The following SEC14L1 variants were observed in gnomAD, a reference collection of about 807,000 sequenced individuals.
SEC14L1 encodes the protein SEC14 like lipid binding 1.
A neutral mutation model predicts 85.3 loss-of-function variants in SEC14L1; 48 were observed. The ratio of observed to expected loss-of-function variants is 0.56; its 90% confidence interval spans 0.45 to 0.72. The LOEUF (loss-of-function observed/expected upper bound fraction) is 0.72. Ranked by LOEUF, SEC14L1 falls within the 30% of genes least tolerant of loss-of-function variation. The pLI is 0.00. For synonymous variants in SEC14L1, 391 were observed against 355.5 expected (o/e 1.10, Z -1.12); for missense variants, 682 against 921.4 (o/e 0.74, Z 3.36).
rs764420864 is a variant in SEC14L1, at chr17:77,193,415, C to G, written c.346-6C>G. 1 of 1,593,548 alleles carries G rather than the reference C, an allele frequency of 6.3e-7. No individual in the cohort carries two copies. The highest frequency in any genetic ancestry group is 8.6e-7 in the Non-Finnish European group (1 of 1,165,786). ...GTCAGTGAGAGTGCTTTCTCTTTAT[C>G]TGCAGGTTCACCCTGAAAATGAAGA... is the stretch of plus-strand genomic sequence containing the variant. On this transcript the variant is annotated splice_region_variant and splice_polypyrimidine_tract_variant and intron_variant, in intron 5 of 16. Coordinates refer to ENST00000436233, the MANE Select transcript of SEC14L1 (RefSeq NM_001143998.2).
At chr17:77,142,608 C>T (rs1233060839) in intron 1 of SEC14L1, 38 bp from the exon 2 acceptor site, 1 of 142,780 alleles carries the variant, frequency 7.0e-6, no homozygotes, top group South Asian at 2.2e-4. Flanking sequence ...AAATAAAATA[C>T]ATCTTGGTAA....
At chr17:77,167,146 CTTTTTT>C (rs72037954) in intron 3 of SEC14L1, among the ~76,000 whole-genome samples, 3,056 of 134,562 alleles carry the variant, frequency 0.023, 47 homozygotes, top group Non-Finnish European at 0.031. Flanking sequence ...TTTCTTTTTC[CTTTTTT>C]TTTTTTTTTT....
rs560100916 is a variant in SEC14L1, at chr17:77,148,140, A to G, written c.63+4481A>G. On this transcript the variant is annotated intron_variant, in intron 3 of 16. Transcript: ENST00000436233. ...CAAGTGCATCTCCCCCTCCCCCTGC[A>G]TGTTAATGGTTCCTTAATAAAGGCT... 7.2e-5 allele frequency among the ~76,000 whole-genome samples: 11 copies of G among 152,292 alleles called. No individual in the cohort carries two copies. The South Asian group carries it at 1.2e-3, about 17-fold the overall frequency.
Position 77,214,429 on chromosome 17 carries a change from CG to C in SEC14L1, c.*408del, listed in dbSNP as rs1168547582. ...AGAGATGGCCCCTCCTCACCTGGGA[CG>C]GAAGCTGCCAGCTCGCTTCCCCCAA... On this transcript the variant is annotated 3_prime_UTR_variant, in exon 17 of 17. Transcript: ENST00000436233. The C allele has an allele frequency of 2.0e-6, 2 of 1,000,746 alleles. No individual in the cohort carries two copies. Among genetic ancestry groups the C allele is most frequent in the Non-Finnish European group, 2.4e-6 (2 of 838,652 alleles). 62.0% of individuals were successfully genotyped at this position (1,000,746 alleles called of 1,614,324 possible).
chr17:77,211,723 C>T, intron 14 of SEC14L1: 10 of 578,716 alleles, frequency 1.7e-5, no homozygotes, highest in Non-Finnish European at 2.2e-5. Context: ...CCTCTAGGTG[C>T]AGGTCACAAA....
chr17:77,160,504 T>A lies in SEC14L1; in HGVS notation c.63+16845T>A, dbSNP rs927659525. On this transcript the variant is annotated intron_variant, in intron 3 of 16. Coordinates refer to ENST00000436233, the MANE Select transcript of SEC14L1 (RefSeq NM_001143998.2). ...GCATCATGTGATTGCTTTAAACACA[T>A]GAAAAGCAAAGAGAAATAAAACCTT... 2.0e-5 allele frequency among the ~76,000 whole-genome samples: 3 copies of A among 152,240 alleles called. No individual in the cohort carries two copies. The South Asian group carries it at 6.2e-4, about 31-fold the overall frequency.
intron 3 of SEC14L1, among the ~76,000 whole-genome samples, chr17:77,189,555 C>A (rs540027425): frequency 6.6e-6 from 1 of 152,244 alleles, no homozygotes; most frequent in Non-Finnish European, 1.5e-5. Flanking sequence ...AGGCACTAGT[C>A]CTTTGTCAGA....
At chr17:77,187,658 G>A (rs1272782171) in intron 3 of SEC14L1, among the ~76,000 whole-genome samples, 1 of 151,856 alleles carries the variant, frequency 6.6e-6, no homozygotes, top group Non-Finnish European at 1.5e-5. Flanking sequence ...GATTACAGAC[G>A]TGAGCCACTG....
chr17:77,152,029 G>A (rs1973582539), intron 3 of SEC14L1, among the ~76,000 whole-genome samples: 1 of 152,176 alleles, frequency 6.6e-6, no homozygotes, highest in Admixed American at 6.5e-5. Flanking sequence ...AGGCTGGAGT[G>A]TAGTGGCACG....
intron 3 of SEC14L1, among the ~76,000 whole-genome samples, chr17:77,116,996 G>T (rs899600306): frequency 3.3e-5 from 5 of 152,178 alleles, no homozygotes; most frequent in African/African-American, 1.2e-4. Context: ...GCTGTCTCTG[G>T]TGTTAGTTGA....
intron 8 of SEC14L1, among the ~76,000 whole-genome samples, chr17:77,200,128 A>G (rs1432881455): frequency 6.6e-6 from 1 of 152,176 alleles, no homozygotes; most frequent in Non-Finnish European, 1.5e-5. Context: ...ATCATGCCAC[A>G]ACACTCCAGC....
At chr17:77,204,891 A>G (rs1267402302) in intron 10 of SEC14L1, among the ~76,000 whole-genome samples, 1 of 152,162 alleles carries the variant, frequency 6.6e-6, no homozygotes, top group African/African-American at 2.4e-5. Context: ...ATCTGTTCTC[A>G]GGCTGCCTTT....
upstream of SEC14L1, among the ~76,000 whole-genome samples, chr17:77,136,442 G>C (rs1972804037): frequency 6.6e-6 from 1 of 150,474 alleles, no homozygotes; most frequent in Non-Finnish European, 1.5e-5. Context: ...TAGTTTGATT[G>C]TATCCTTGAT....
chr17:77,208,770 G>T (rs1368882901), intron 13 of SEC14L1, among the ~76,000 whole-genome samples: 1 of 152,226 alleles, frequency 6.6e-6, no homozygotes, highest in Non-Finnish European at 1.5e-5. Flanking sequence ...ATGAACTTTA[G>T]TGTGGAGTCA....
At chr17:77,162,364 G>C (rs1974104663) in intron 3 of SEC14L1, among the ~76,000 whole-genome samples, 1 of 152,172 alleles carries the variant, frequency 6.6e-6, no homozygotes, top group African/African-American at 2.4e-5. Flanking sequence ...AATCAAATTA[G>C]TACTGATTTG....
intron 3 of SEC14L1, among the ~76,000 whole-genome samples, chr17:77,174,421 C>T (rs148125683): frequency 9.9e-4 from 151 of 152,240 alleles, no homozygotes; most frequent in African/African-American, 3.4e-3. Context: ...ACCACAGATC[C>T]GGACTCCACA....
chr17:77,172,039 T>C (rs547249216), intron 3 of SEC14L1, among the ~76,000 whole-genome samples: 5 of 152,338 alleles, frequency 3.3e-5, no homozygotes, highest in South Asian at 4.1e-4. Context: ...GCGGTCCTTA[T>C]ATTTAATTTC....
At chr17:77,201,685 G>A (rs892565935) in intron 9 of SEC14L1, among the ~76,000 whole-genome samples, 3 of 152,078 alleles carry the variant, frequency 2.0e-5, no homozygotes, top group Non-Finnish European at 2.9e-5. Context: ...TCCTGACCTC[G>A]TGATCTGCCC....
At chr17:77,188,390 A>G (rs1437192751) in intron 3 of SEC14L1, among the ~76,000 whole-genome samples, 1 of 144,462 alleles carries the variant, frequency 6.9e-6, no homozygotes, top group Non-Finnish European at 1.5e-5. Context: ...ACAGGGAATC[A>G]TACCGTATGT....
Sources: gnomAD v4.1 joint callset for allele counts (sites outside exome capture counted in the v4.1 genomes callset) on GRCh38, gnomAD v4.1.1 for gene constraint, MANE v1.5 for transcripts, NCBI Gene and HGNC (gene_info 2026-07-23, HGNC 2026-07-21) for gene names.